The following BICDL1 variants were observed in gnomAD, a reference collection of about 807,000 sequenced individuals.
The protein encoded by BICDL1 is BICD family like cargo adaptor 1.
A neutral mutation model predicts 76.8 loss-of-function variants in BICDL1; 20 were observed. The observed-to-expected ratio is 0.26, with a 90% CI of 0.18 to 0.38. BICDL1 has a LOEUF of 0.38. BICDL1 is among the 10% of genes least tolerant of loss of function. The probability of loss-of-function intolerance (pLI) is 1.00; values close to 1 mark genes in which losing one functional copy is unlikely to be tolerated. For synonymous variants in BICDL1, 383 were observed against 337.1 expected, an observed-to-expected ratio of 1.14 and a Z score of -1.49; for missense variants, 700 against 798.6, an observed-to-expected ratio of 0.88 and a Z score of 1.49.
intron 2 of BICDL1, among the ~76,000 whole-genome samples, chr12:120,003,311 G>C (rs1231420195): frequency 6.6e-6 from 1 of 152,214 alleles, no homozygotes; most frequent in African/African-American, 2.4e-5. Context: ...TATGAGAGCA[G>C]GGACTCTATC....
chr12:120,000,041 C>A, intron 2 of BICDL1: 1 of 168,528 alleles, frequency 5.9e-6, no homozygotes, highest in Admixed American at 6.2e-5. Flanking sequence ...GTTGTAGTTG[C>A]TTCCTGTGGT....
In BICDL1 at chr12:120,093,932, T is replaced by C. The variant is rs1393915201; in HGVS notation, c.*771T>C. ...TCCAGCCCTTTCCCCTGCTCAGGGC[T>C]GGGGTTGGACGGGGTCTCCTCCTCC... On this transcript the variant is annotated 3_prime_UTR_variant, in exon 10 of 10. Coordinates refer to ENST00000548673, the MANE Select transcript of BICDL1 (RefSeq NM_001367886.1). The C allele has an allele frequency of 3.2e-6, 1 of 317,228 alleles. No homozygotes were observed. The highest frequency in any genetic ancestry group is 6.3e-6 in the Non-Finnish European group (1 of 158,696). 19.7% of individuals were successfully genotyped at this position (317,228 alleles called of 1,614,324 possible).
At chr12:120,091,521 AC>A (rs1407302549) in intron 9 of BICDL1, 1 of 982,898 alleles carries the variant, frequency 1.0e-6, no homozygotes, top group Non-Finnish European at 1.2e-6. Context: ...ATAAGGAGGG[AC>A]CGTGTGTTGG....
intron 1 of BICDL1, among the ~76,000 whole-genome samples, chr12:119,995,513 A>G (rs531173605): frequency 1.3e-5 from 2 of 152,370 alleles, no homozygotes; most frequent in South Asian, 4.1e-4. Flanking sequence ...CTGTTCTTTT[A>G]GAACACGAGC....
At chr12:120,091,670 G>A (rs902985120) in intron 9 of BICDL1, 1 of 985,252 alleles carries the variant, frequency 1.0e-6, no homozygotes, top group Non-Finnish European at 1.2e-6. Context: ...GGAGGCTGGA[G>A]AGCAGGCCCT....
intron 2 of BICDL1, chr12:119,999,790 C>T: frequency 2.2e-6 from 1 of 445,910 alleles, no homozygotes. Context: ...ACTATTCTAC[C>T]TCAGCCCTTC....
chr12:120,036,467 T>C (rs1463870135), intron 2 of BICDL1, among the ~76,000 whole-genome samples: 6 of 152,244 alleles, frequency 3.9e-5, no homozygotes, highest in Non-Finnish European at 8.8e-5. Flanking sequence ...GCGTTAGACT[T>C]GTTTAGACTT....
At chr12:120,046,602 G>A (rs1952754789) in intron 2 of BICDL1, among the ~76,000 whole-genome samples, 1 of 152,212 alleles carries the variant, frequency 6.6e-6, no homozygotes, top group Admixed American at 6.5e-5. Flanking sequence ...AACTGATAGA[G>A]AAGAGACTAT....
chr12:120,025,217 A>AT (rs1208308074), intron 2 of BICDL1, among the ~76,000 whole-genome samples: 4 of 151,512 alleles, frequency 2.6e-5, no homozygotes, highest in Admixed American at 2.0e-4. Flanking sequence ...CGCCCGGCTA[A>AT]TTTTTTGTAT....
At position 120,049,574 on chromosome 12, in the gene BICDL1, C is replaced by T. The variant is rs149380959; in HGVS notation, c.646-12136C>T. Among the ~76,000 whole-genome samples the T allele has an allele frequency of 6.0e-4, 91 of 151,996 alleles. No homozygotes were observed. In the East Asian group the frequency reaches 0.014, roughly 23 times the overall value. On this transcript the variant is annotated intron_variant, in intron 2 of 9. Transcript: ENST00000548673. ...TTATGATATATCTAGGTGTGGATTT[C>T]GTTTTATTTCTTCTGCTTTGTTTTC...
intron 2 of BICDL1, among the ~76,000 whole-genome samples, chr12:120,034,698 T>A (rs1041906519): frequency 6.6e-6 from 1 of 152,192 alleles, no homozygotes; most frequent in Non-Finnish European, 1.5e-5. Flanking sequence ...CAGGCCAGGT[T>A]CTCATCTGGA....
At chr12:119,997,098 G>A (rs532091200) in intron 1 of BICDL1, among the ~76,000 whole-genome samples, 29 of 151,998 alleles carry the variant, frequency 1.9e-4, no homozygotes, top group East Asian at 1.9e-4. Flanking sequence ...GCAGGCCCTC[G>A]CCACCTCGCC....
At chr12:120,032,745 A>ATTTTTTT (rs35727779) in intron 2 of BICDL1, among the ~76,000 whole-genome samples, 1 of 124,484 alleles carries the variant, frequency 8.0e-6, no homozygotes, top group Non-Finnish European at 1.6e-5. Flanking sequence ...TACATCTATA[A>ATTTTTTT]TTTTTTTTTT....
intron 4 of BICDL1, among the ~76,000 whole-genome samples, chr12:120,069,209 G>A (rs1872898415): frequency 6.6e-6 from 1 of 152,130 alleles, no homozygotes; most frequent in Non-Finnish European, 1.5e-5. Context: ...GCAGAATAGA[G>A]CAATTTGGAA....
chr12:120,047,652 G>A (rs891347817), intron 2 of BICDL1, among the ~76,000 whole-genome samples: 1 of 151,984 alleles, frequency 6.6e-6, no homozygotes, highest in Non-Finnish European at 1.5e-5. Context: ...GCATTTTAAT[G>A]CTAGCATAAC....
intron 1 of BICDL1, among the ~76,000 whole-genome samples, chr12:119,994,754 C>G (rs1488253950): frequency 6.6e-6 from 1 of 152,178 alleles, no homozygotes; most frequent in African/African-American, 2.4e-5. Flanking sequence ...TCCCAAAGTG[C>G]TGGGATTACA....
Position 120,093,571 on chromosome 12 carries a change from C to G in BICDL1, c.*410C>G, listed in dbSNP as rs1480081921. Reference sequence around the variant, plus strand: ...GGAATGGAGGCCCTTCTCTGCATGCCTCAGGAGGCCTGAGCCCCAGGGGCC... The same window carrying G: ...GGAATGGAGGCCCTTCTCTGCATGCGTCAGGAGGCCTGAGCCCCAGGGGCC... On this transcript the variant is annotated 3_prime_UTR_variant, in exon 10 of 10. Transcript: ENST00000548673. The G allele has an allele frequency of 5.0e-6, 1 of 201,610 alleles. No individual in the cohort carries two copies. Among genetic ancestry groups the G allele is most frequent in the African/African-American group, 2.4e-5 (1 of 42,074 alleles). The allele number at this position is 201,610 out of a possible 1,614,324, so 12.5% of individuals were successfully genotyped here.
Position 120,050,124 on chromosome 12 carries a change from C to T in BICDL1, c.646-11586C>T, listed in dbSNP as rs139987988. ...TATTTTTGTCTTTGAAGTATCTGTTCGAATGTTTTGCTCATTTAAAAAATT... is the reference window on the plus strand; with the variant it reads ...TATTTTTGTCTTTGAAGTATCTGTTTGAATGTTTTGCTCATTTAAAAAATT... On this transcript the variant is annotated intron_variant, in intron 2 of 9. Transcript: ENST00000548673. Among the ~76,000 whole-genome samples the T allele has an allele frequency of 8.7e-4, 133 of 152,098 alleles. 2 individuals carry two copies. The East Asian group carries it at 0.019, about 21-fold the overall frequency.
chr12:120,092,900 C>CTCA (rs1170911284), intron 9 of BICDL1, 100 bp from the exon 10 acceptor site: 6 of 1,471,730 alleles, frequency 4.1e-6, no homozygotes, highest in Non-Finnish European at 5.4e-6. Context: ...TCATCACATT[C>CTCA]TCATCTCTCA....
Sources: allele counts gnomAD v4.1 joint callset (sites outside exome capture counted in the v4.1 genomes callset), GRCh38; gene constraint gnomAD v4.1.1; transcripts MANE v1.5; gene names NCBI Gene and HGNC (gene_info 2026-07-23, HGNC 2026-07-21).